The following ENPP4 variants were observed in gnomAD, a reference collection of about 807,000 sequenced individuals.
ENPP4 encodes the protein ectonucleotide pyrophosphatase/phosphodiesterase 4.
A neutral mutation model predicts 33.4 loss-of-function variants in ENPP4; 18 were observed. That is an observed-to-expected ratio of 0.54 (90% confidence interval 0.37 to 0.80). ENPP4 has a LOEUF of 0.80. ENPP4 is among the 30% of genes least tolerant of loss of function. The pLI, the probability that ENPP4 is intolerant of heterozygous loss-of-function variation, is 0.00. For missense variants in ENPP4, 480 were observed against 541.7 expected (o/e 0.89, Z 1.13); for synonymous variants, 172 against 189.9 (o/e 0.91, Z 0.78).
At chr6:46,138,644 A>G (rs1038697939) in intron 1 of ENPP4, among the ~76,000 whole-genome samples, 1 of 151,786 alleles carries the variant, frequency 6.6e-6, no homozygotes, top group African/African-American at 2.4e-5. Context: ...TCCTGTTACA[A>G]TGGAAGAGGC....
Position 46,140,536 on chromosome 6 carries a change from A to G in ENPP4, c.826+127A>G, listed in dbSNP as rs114992055. On this transcript the variant is annotated intron_variant, in intron 2 of 3. Coordinates refer to ENST00000321037, the MANE Select transcript of ENPP4 (RefSeq NM_014936.5). ...AGAACCATATACTCAGAGTGGGATT[A>G]TATGTTTTTTTCCTCTTGTTTACAA... is the stretch of plus-strand genomic sequence containing the variant. The G allele has an allele frequency of 6.6e-3, 3,922 of 597,780 alleles. 121 individuals are homozygous for G. Among genetic ancestry groups the G allele is most frequent in the African/African-American group, 0.065 (3,403 of 52,110 alleles). 37.0% of individuals were successfully genotyped at this position (597,780 alleles called of 1,614,324 possible). A position where few individuals can be genotyped will look rare whatever the true frequency, so the allele number is the denominator to read the frequency against.
At chr6:46,143,227 T>A in intron 3 of ENPP4, 49 bp from the exon 4 acceptor site, 1 of 1,504,932 alleles carries the variant, frequency 6.6e-7, no homozygotes, top group Non-Finnish European at 8.9e-7. Context: ...AGTTATTTTG[T>A]CCTAAAAAGT....
intron 3 of ENPP4, among the ~76,000 whole-genome samples, chr6:46,142,053 A>G (rs1325520270): frequency 6.6e-6 from 1 of 151,558 alleles, no homozygotes; most frequent in Non-Finnish European, 1.5e-5. Context: ...TATGGGCTGT[A>G]GTTTACAGTT....
chr6:46,131,134 T>G (rs747955879), intron 1 of ENPP4, among the ~76,000 whole-genome samples: 1 of 151,870 alleles, frequency 6.6e-6, no homozygotes, highest in Non-Finnish European at 1.5e-5. Context: ...TTTTTTATGG[T>G]CTCAGGTCTT....
intron 1 of ENPP4, among the ~76,000 whole-genome samples, chr6:46,138,006 A>G (rs1002374727): frequency 1.3e-5 from 2 of 151,826 alleles, no homozygotes; most frequent in African/African-American, 2.4e-5. Context: ...CTTCATAATC[A>G]TATTAGTTAA....
chr6:46,137,602 T>A (rs1763995218), intron 1 of ENPP4, among the ~76,000 whole-genome samples: 1 of 151,858 alleles, frequency 6.6e-6, no homozygotes, highest in Non-Finnish European at 1.5e-5. Context: ...ATAGCTGAAA[T>A]TGCTGTGCTA....
intron 1 of ENPP4, among the ~76,000 whole-genome samples, chr6:46,133,806 A>G (rs1581953393): frequency 6.6e-6 from 1 of 152,024 alleles, no homozygotes; most frequent in East Asian, 1.9e-4. Context: ...GTAGCTTAAC[A>G]CTCCCTATTA....
In ENPP4 at chr6:46,143,442, C is replaced by T. The variant is rs1028117834; in HGVS notation, c.1164C>T (p.Thr388=). ...TAAAACCACATCCCAATAATGGGAC[C>T]TTTGGTCATACTAAGTGCTTGTTAG... ...LGLKPHPNNG[T]FGHTKCLLVD... is the part of the protein sequence containing the mutation. The change falls in exon 4 of 4, where the codon ACC becomes ACT. Residue 388 remains threonine, a synonymous_variant. Coordinates refer to ENST00000321037, the MANE Select transcript of ENPP4 (RefSeq NM_014936.5). The T allele has an allele frequency of 6.2e-7, 1 of 1,612,700 alleles. No individual in the cohort carries two copies. Among genetic ancestry groups the T allele is most frequent in the African/African-American group, 1.3e-5 (1 of 74,904 alleles).
At chr6:46,142,979 G>C (rs1044486796) in intron 3 of ENPP4, among the ~76,000 whole-genome samples, 2 of 151,652 alleles carry the variant, frequency 1.3e-5, no homozygotes, top group African/African-American at 4.8e-5. Flanking sequence ...AAACAGTGCT[G>C]AGATTGACAA....
intron 1 of ENPP4, among the ~76,000 whole-genome samples, chr6:46,136,613 G>A (rs1399975537): frequency 2.6e-5 from 4 of 151,874 alleles, no homozygotes; most frequent in Non-Finnish European, 4.4e-5. Flanking sequence ...ATATTGGAGG[G>A]GCTTCAATGT....
chr6:46,146,502 C>CT lies in ENPP4; in HGVS notation c.*2864dup, dbSNP rs1257919502. 1.3e-5 allele frequency: 2 copies of CT among 152,066 alleles called. No individual in the cohort carries two copies. The highest frequency in any genetic ancestry group is 3.0e-5 in the Non-Finnish European group (2 of 67,772). The allele number at this position is 152,066 out of a possible 1,614,324, so 9.4% of individuals were successfully genotyped here. A position where few individuals can be genotyped will look rare whatever the true frequency, so the allele number is the denominator to read the frequency against. On this transcript the variant is annotated 3_prime_UTR_variant, in exon 4 of 4. Coordinates refer to ENST00000321037, the MANE Select transcript of ENPP4 (RefSeq NM_014936.5). ...GGAAAATGTGTATTTATTGTTAATT[C>CT]TTAAAATAGTGTGTAAATAAAATAA...
intron 1 of ENPP4, among the ~76,000 whole-genome samples, chr6:46,136,693 A>G (rs746793700): frequency 6.6e-6 from 1 of 151,960 alleles, no homozygotes; most frequent in Non-Finnish European, 1.5e-5. Context: ...TTAAGGGAAC[A>G]TGAACAGAGC....
intron 1 of ENPP4, 29 bp from the exon 2 acceptor site, chr6:46,139,522 T>G (rs901659967): frequency 4.6e-6 from 4 of 866,506 alleles, no homozygotes; most frequent in Non-Finnish European, 7.5e-6. Context: ...ATAGAATTAC[T>G]ACTTATGAGT....
In ENPP4 at chr6:46,145,051, C is replaced by T. The variant is rs1764123492; in HGVS notation, c.*1411C>T. On this transcript the variant is annotated 3_prime_UTR_variant, in exon 4 of 4. Transcript: ENST00000321037. ...TAGGGGAAAAATTGGGCTCAAGAAC[C>T]ATTCATCAGTACGTGAGACAAGCAG... 2.5e-6 allele frequency: 1 copy of T among 394,756 alleles called. No homozygotes were observed. The highest frequency in any genetic ancestry group is 4.5e-6 in the Non-Finnish European group (1 of 223,352). 24.5% of individuals were successfully genotyped at this position (394,756 alleles called of 1,614,324 possible). A position where few individuals can be genotyped will look rare whatever the true frequency, so the allele number is the denominator to read the frequency against.
In ENPP4 at chr6:46,143,290, T is replaced by A. The variant is rs1764094862; in HGVS notation, c.1012T>A (p.Tyr338Asn). Residue 338 changes from tyrosine to asparagine, a missense_variant, in exon 4 of 4, where the codon TAT becomes AAT. This residue lies in a region of ENPP4 where 249 missense variants were observed against 251.8 expected (regional missense o/e 0.99). Coordinates refer to ENST00000321037, the MANE Select transcript of ENPP4 (RefSeq NM_014936.5). ...ESSQKLGDHG[Y>N]DNSLPSMHPF... ...TTCTTTTTCAGTAGGTGACCATGGT[T>A]ATGATAATTCTTTGCCTAGTATGCA... 1 of 1,581,946 alleles carries A rather than the reference T, an allele frequency of 6.3e-7. No individual in the cohort carries two copies.
At chr6:46,132,331 A>G (rs1204507134) in intron 1 of ENPP4, among the ~76,000 whole-genome samples, 1 of 152,104 alleles carries the variant, frequency 6.6e-6, no homozygotes, top group African/African-American at 2.4e-5. Context: ...TGATTGTTGT[A>G]TAAGGTGTAA....
intron 1 of ENPP4, among the ~76,000 whole-genome samples, chr6:46,134,817 T>C (rs1763955483): frequency 6.6e-6 from 1 of 151,982 alleles, no homozygotes; most frequent in Non-Finnish European, 1.5e-5. Context: ...ACCCCAAAAA[T>C]AAACTTTATA....
In ENPP4 at chr6:46,130,193, A is replaced by C. The variant is rs1254666591; in HGVS notation, c.-34+4A>C. Reference sequence around the variant, plus strand: ...AAAGAAGCGACCGCGGCGGCTGGTGAGTACGCGCCTCGCGCGCTCGGCGTT... The same window carrying C: ...AAAGAAGCGACCGCGGCGGCTGGTGCGTACGCGCCTCGCGCGCTCGGCGTT... On this transcript the variant is annotated splice_donor_region_variant and intron_variant, in intron 1 of 3. Transcript: ENST00000321037. The C allele has an allele frequency of 6.6e-6, 1 of 152,272 alleles. No homozygotes were observed. The highest frequency in any genetic ancestry group is 1.5e-5 in the Non-Finnish European group (1 of 68,082). The allele number at this position is 152,272 out of a possible 1,614,324, so 9.4% of individuals were successfully genotyped here. A position where few individuals can be genotyped will look rare whatever the true frequency, so the allele number is the denominator to read the frequency against.
chr6:46,142,630 C>T (rs1011564090), intron 3 of ENPP4, among the ~76,000 whole-genome samples: 12 of 150,792 alleles, frequency 8.0e-5, no homozygotes, highest in Non-Finnish European at 1.3e-4. Context: ...CCCAGTCACC[C>T]GTACTTAATA....
Sources: allele counts gnomAD v4.1 joint callset (sites outside exome capture counted in the v4.1 genomes callset), GRCh38; gene constraint gnomAD v4.1.1; regional missense constraint gnomAD v4.1.1; transcripts MANE v1.5; gene names NCBI Gene and HGNC (gene_info 2026-07-23, HGNC 2026-07-21).